Variants in CCBE1 observed in about 807,000 individuals in gnomAD.
CCBE1 encodes collagen and calcium-binding EGF domain-containing protein 1.
CCBE1 carries 37 observed loss-of-function variants against 50.0 expected under a neutral mutation model. The observed-to-expected ratio is 0.74, with a 90% CI of 0.57 to 0.97. The LOEUF is 0.97. CCBE1 is among the 50% of genes least tolerant of loss of function. The pLI is 0.00. For missense variants in CCBE1, 538 were observed against 523.8 expected, an observed-to-expected ratio of 1.03 and a Z score of -0.26; for synonymous variants, 234 against 203.7, an observed-to-expected ratio of 1.15 and a Z score of -1.27.
Position 59,571,437 on chromosome 18 carries a change from T to C in CCBE1, c.213-91199A>G, listed in dbSNP as rs1044887525. 4.1e-5 allele frequency among the ~76,000 whole-genome samples: 5 copies of C among 121,862 alleles called. No individual in the cohort carries two copies. In the South Asian group the frequency reaches 1.3e-3, roughly 32 times the overall value. The allele number at this position is 121,862 out of a possible 152,430, so 79.9% of individuals were successfully genotyped here. A position where few individuals can be genotyped will look rare whatever the true frequency, so the allele number is the denominator to read the frequency against. On this transcript the variant is annotated intron_variant, in intron 2 of 10. Coordinates refer to ENST00000439986, the MANE Select transcript of CCBE1 (RefSeq NM_133459.4). ...GTGGGAATTGAACAATGAGAACACT[T>C]GGACACAGGGTGGGGAACATCACAC...
intron 2 of CCBE1, among the ~76,000 whole-genome samples, chr18:59,617,967 C>T (rs1298735420): frequency 6.6e-6 from 1 of 152,140 alleles, no homozygotes. Flanking sequence ...CCACTCGCCT[C>T]AAAGTAAGAT....
chr18:59,480,127 T>C (rs1360790190), intron 3 of CCBE1, 59 bp downstream of exon 3: 4 of 1,053,788 alleles, frequency 3.8e-6, no homozygotes, highest in East Asian at 4.8e-5. Context: ...CTGAAGTTGA[T>C]AGACTTTGAA....
chr18:59,622,464 A>C (rs917658857), intron 2 of CCBE1, among the ~76,000 whole-genome samples: 3 of 151,176 alleles, frequency 2.0e-5, no homozygotes, highest in Admixed American at 2.0e-4. Flanking sequence ...AGATCATGCC[A>C]CTGCCCTCCA....
intron 10 of CCBE1, among the ~76,000 whole-genome samples, chr18:59,437,446 C>A (rs1255439988): frequency 6.6e-6 from 1 of 152,180 alleles, no homozygotes; most frequent in Non-Finnish European, 1.5e-5. Context: ...TGCCCAGAGA[C>A]CCTCAGTGAA....
At chr18:59,505,730 A>G (rs1267756012) in intron 2 of CCBE1, among the ~76,000 whole-genome samples, 3 of 152,236 alleles carry the variant, frequency 2.0e-5, no homozygotes, top group Non-Finnish European at 4.4e-5. Flanking sequence ...TTCTACAGTT[A>G]AACACTACAT....
intron 2 of CCBE1, among the ~76,000 whole-genome samples, chr18:59,492,241 AT>A (rs1021120994): frequency 1.2e-4 from 18 of 149,158 alleles, no homozygotes; most frequent in African/African-American, 4.2e-4. Flanking sequence ...ATTGCCTTCT[AT>A]TTTTTTTTCC....
At chr18:59,544,106 C>T (rs892192415) in intron 2 of CCBE1, among the ~76,000 whole-genome samples, 12 of 152,212 alleles carry the variant, frequency 7.9e-5, no homozygotes, top group African/African-American at 2.4e-4. Context: ...CACACAAAAA[C>T]TAAAATAATT....
chr18:59,499,051 T>A (rs1297281940), intron 2 of CCBE1, among the ~76,000 whole-genome samples: 2 of 152,164 alleles, frequency 1.3e-5, no homozygotes, highest in African/African-American at 2.4e-5. Context: ...CTTGCCATAG[T>A]GGTTTCAGTG....
At chr18:59,558,372 T>G (rs2052684016) in intron 2 of CCBE1, among the ~76,000 whole-genome samples, 2 of 152,206 alleles carry the variant, frequency 1.3e-5, no homozygotes, top group Admixed American at 1.3e-4. Flanking sequence ...TTATGAGAGC[T>G]TTCAGATTCA....
intron 3 of CCBE1, among the ~76,000 whole-genome samples, chr18:59,471,757 A>G (rs571258756): frequency 3.2e-4 from 49 of 152,348 alleles, no homozygotes; most frequent in Admixed American, 4.6e-4. Context: ...ACAGACAGAT[A>G]CAGACAGGGA....
chr18:59,444,543 G>C (rs1484154741), intron 7 of CCBE1, among the ~76,000 whole-genome samples: 1 of 134,984 alleles, frequency 7.4e-6, no homozygotes, highest in East Asian at 2.1e-4. Context: ...TTGAGAGGGG[G>C]TCTTGCTCTG....
chr18:59,583,480 G>C (rs1037351884), intron 2 of CCBE1, among the ~76,000 whole-genome samples: 2 of 152,194 alleles, frequency 1.3e-5, no homozygotes, highest in Non-Finnish European at 2.9e-5. Context: ...CAAGTGAGAA[G>C]CATAGCAAGA....
At chr18:59,657,087 T>C (rs759256022) in intron 2 of CCBE1, among the ~76,000 whole-genome samples, 9 of 152,238 alleles carry the variant, frequency 5.9e-5, no homozygotes, top group Non-Finnish European at 8.8e-5. Flanking sequence ...TCCATTTCCT[T>C]GGTCCCTGCA....
rs143181665 is a variant in CCBE1, at chr18:59,440,206, G to A, written c.776-390C>T. On this transcript the variant is annotated intron_variant, in intron 7 of 10. Transcript: ENST00000439986. ...GAGTAGTGGCCACCACCACAGAGAA[G>A]TGGTGATCATGGCTGGAGAGCAGTA... 1.2e-4 allele frequency among the ~76,000 whole-genome samples: 18 copies of A among 152,340 alleles called. No individual in the cohort carries two copies. In the East Asian group the frequency reaches 3.1e-3, roughly 26 times the overall value.
intron 2 of CCBE1, among the ~76,000 whole-genome samples, chr18:59,680,686 G>A (rs1202478221): frequency 2.0e-5 from 3 of 149,930 alleles, no homozygotes; most frequent in Admixed American, 6.7e-5. Flanking sequence ...GAGACAGAGC[G>A]AGACTCCATC....
intron 2 of CCBE1, among the ~76,000 whole-genome samples, chr18:59,519,134 C>T (rs373989641): frequency 3.3e-5 from 5 of 152,292 alleles, no homozygotes; most frequent in African/African-American, 1.2e-4. Context: ...CTACCGAGTA[C>T]ACCCATATTA....
chr18:59,469,495 C>T lies in CCBE1; in HGVS notation c.378G>A (p.Lys126=). 2 of 1,614,220 alleles carry T rather than the reference C, an allele frequency of 1.2e-6. No individual in the cohort carries two copies. Among genetic ancestry groups the T allele is most frequent in the Non-Finnish European group, 1.7e-6 (2 of 1,180,032 alleles). Residue 126 remains lysine, a synonymous_variant, in exon 4 of 11, where the codon AAG becomes AAA. Coordinates refer to ENST00000439986, the MANE Select transcript of CCBE1 (RefSeq NM_133459.4). ...CACCCAGACAGTATGGCTTCTCCCG[C>T]TTCCGGTGTCTCTCCCGGTCATATC... ...GYRYDRERHR[K]REKPYCLDID...
At chr18:59,639,453 T>C (rs2053955807) in intron 2 of CCBE1, among the ~76,000 whole-genome samples, 1 of 152,214 alleles carries the variant, frequency 6.6e-6, no homozygotes, top group Non-Finnish European at 1.5e-5. Context: ...TGCCCCTTCA[T>C]GTTAAAAAAT....
In CCBE1 at chr18:59,593,259, A is replaced by G. The variant is rs573566264; in HGVS notation, c.212+103370T>C. Among the ~76,000 whole-genome samples, 3 of 152,326 alleles carry G rather than the reference A, an allele frequency of 2.0e-5. No individual in the cohort carries two copies. The South Asian group carries it at 6.2e-4, about 32-fold the overall frequency. The stretch of plus-strand genomic sequence containing the variant: ...ATGCCTGGCCATTCTTCAGCTGTCC[A>G]TGTGATGTCCATCTGCAGGCATCCT... On this transcript the variant is annotated intron_variant, in intron 2 of 10. Transcript: ENST00000439986.
Sources: gnomAD v4.1 joint callset for allele counts (sites outside exome capture counted in the v4.1 genomes callset) on GRCh38, gnomAD v4.1.1 for gene constraint, MANE v1.5 for transcripts, NCBI Gene and HGNC (gene_info 2026-07-23, HGNC 2026-07-21) for gene names.